The following RIMS2 variants were observed in gnomAD, a reference collection of about 807,000 sequenced individuals.
The protein encoded by RIMS2 is regulating synaptic membrane exocytosis protein 2.
A neutral mutation model predicts 174.4 loss-of-function variants in RIMS2; 59 were observed. The observed-to-expected ratio is 0.34, with a 90% confidence interval of 0.27 to 0.42. The LOEUF is 0.42. RIMS2 is among the 10% of genes least tolerant of loss of function. The probability of loss-of-function intolerance (pLI) is 1.00; values close to 1 mark genes in which losing one functional copy is unlikely to be tolerated. For missense variants in RIMS2, 1,620 were observed against 1,666.3 expected, an observed-to-expected ratio of 0.97 and a Z score of 0.48; for synonymous variants, 606 against 572.5, an observed-to-expected ratio of 1.06 and a Z score of -0.84.
At chr8:103,838,978 C>G (rs1333840321) in intron 3 of RIMS2, among the ~76,000 whole-genome samples, 4 of 152,050 alleles carry the variant, frequency 2.6e-5, no homozygotes, top group Non-Finnish European at 5.9e-5. Flanking sequence ...GGCAAGAGAA[C>G]GGCGTGAACC....
At chr8:104,172,572 G>C (rs2098838615) in intron 19 of RIMS2, among the ~76,000 whole-genome samples, 1 of 152,204 alleles carries the variant, frequency 6.6e-6, no homozygotes, top group East Asian at 1.9e-4. Flanking sequence ...GAGATGAGTA[G>C]TATCTGAGCA....
chr8:103,814,377 A>G (rs940266108), intron 3 of RIMS2, among the ~76,000 whole-genome samples: 1 of 152,028 alleles, frequency 6.6e-6, no homozygotes, highest in Non-Finnish European at 1.5e-5. Flanking sequence ...CCTATGTAAC[A>G]TACCTGCACA....
chr8:103,866,469 T>C (rs1292574810), intron 3 of RIMS2, among the ~76,000 whole-genome samples: 2 of 152,148 alleles, frequency 1.3e-5, no homozygotes, highest in African/African-American at 2.4e-5. Flanking sequence ...AGAGTTGTGC[T>C]GTATTTGCTT....
chr8:103,593,825 T>G (rs1446081918), intron 1 of RIMS2, among the ~76,000 whole-genome samples: 1 of 151,240 alleles, frequency 6.6e-6, no homozygotes, highest in Non-Finnish European at 1.5e-5. Flanking sequence ...AAAATCAATT[T>G]AAAAATAAAT....
In RIMS2 at chr8:103,710,474, T is replaced by C. The variant is rs146132610; in HGVS notation, c.387+13178T>C. On this transcript the variant is annotated intron_variant, in intron 2 of 23. Coordinates refer to ENST00000504942, the Ensembl canonical transcript of RIMS2. ...GTTTCCTTTTCAGATTATACCCTCT[T>C]AATAAATAAAAGCCATATTTTTAGT... Among the ~76,000 whole-genome samples, 937 of 152,162 alleles carry C rather than the reference T, an allele frequency of 6.2e-3. 11 individuals are homozygous for C. Among genetic ancestry groups the C allele is most frequent in the African/African-American group, 0.021 (887 of 41,534 alleles).
chr8:103,526,655 AC>A (rs1834129180), intron 1 of RIMS2, among the ~76,000 whole-genome samples: 2 of 152,232 alleles, frequency 1.3e-5, no homozygotes, highest in African/African-American at 4.8e-5. Flanking sequence ...GAAATTAAGA[AC>A]CCATTGAATG....
intron 19 of RIMS2, among the ~76,000 whole-genome samples, chr8:104,079,328 T>G (rs2097361886): frequency 6.6e-6 from 1 of 151,834 alleles, no homozygotes; most frequent in South Asian, 2.1e-4. Flanking sequence ...CCTAAGAATA[T>G]AAAGGAGAAA....
intron 16 of RIMS2, chr8:103,976,107 A>AT (rs1160426816): frequency 6.6e-6 from 1 of 152,258 alleles, no homozygotes; most frequent in Non-Finnish European, 1.5e-5. Context: ...GTTGACACGT[A>AT]ATGTTAATCA....
intron 19 of RIMS2, among the ~76,000 whole-genome samples, chr8:104,172,342 A>G (rs1395454573): frequency 1.3e-5 from 2 of 152,200 alleles, no homozygotes; most frequent in African/African-American, 4.8e-5. Flanking sequence ...AATACATGGT[A>G]GAAATGGGAG....
At chr8:104,106,310 A>G (rs1465495046) in intron 19 of RIMS2, among the ~76,000 whole-genome samples, 1 of 152,030 alleles carries the variant, frequency 6.6e-6, no homozygotes, top group Non-Finnish European at 1.5e-5. Context: ...AGTAACTTCT[A>G]TTTATTTGTA....
At chr8:103,868,408 T>C in intron 3 of RIMS2, among the ~76,000 whole-genome samples, 1 of 152,070 alleles carries the variant, frequency 6.6e-6, no homozygotes, top group East Asian at 1.9e-4. Context: ...CTCTTTACTC[T>C]CTGGATTTTT....
chr8:103,608,042 G>A (rs1196222475), intron 1 of RIMS2, among the ~76,000 whole-genome samples: 2 of 148,348 alleles, frequency 1.3e-5, no homozygotes, highest in Non-Finnish European at 3.0e-5. Context: ...CGTTGCTGGT[G>A]AGGAACTGCA....
chr8:103,995,822 C>G (rs2095055933), intron 17 of RIMS2, among the ~76,000 whole-genome samples: 1 of 151,504 alleles, frequency 6.6e-6, no homozygotes, highest in Admixed American at 6.6e-5. Flanking sequence ...AAGGTTGTTT[C>G]AATAGACATA....
intron 3 of RIMS2, among the ~76,000 whole-genome samples, chr8:103,792,720 A>G (rs565712896): frequency 1.6e-4 from 25 of 152,062 alleles, no homozygotes; most frequent in African/African-American, 6.0e-4. Context: ...GAAGAATCAA[A>G]TAGACGCAAT....
intron 19 of RIMS2, among the ~76,000 whole-genome samples, chr8:104,070,827 A>G (rs1322401005): frequency 6.6e-6 from 1 of 152,194 alleles, no homozygotes; most frequent in Non-Finnish European, 1.5e-5. Flanking sequence ...AAATAAAGTC[A>G]CGATAAAACA....
chr8:104,067,780 C>T (rs2097130405), intron 19 of RIMS2, among the ~76,000 whole-genome samples: 1 of 152,040 alleles, frequency 6.6e-6, no homozygotes, highest in South Asian at 2.1e-4. Context: ...TTTTGAAGGC[C>T]TTCTGAATAT....
intron 19 of RIMS2, among the ~76,000 whole-genome samples, chr8:104,231,344 A>G (rs1354017447): frequency 6.6e-6 from 1 of 150,654 alleles, no homozygotes; most frequent in Admixed American, 6.6e-5. Context: ...TTCTTTAACA[A>G]TATGAGGTGT....
At chr8:103,891,244 T>A (rs1360050375) in intron 4 of RIMS2, among the ~76,000 whole-genome samples, 1 of 152,052 alleles carries the variant, frequency 6.6e-6, no homozygotes, top group African/African-American at 2.4e-5. Context: ...TTGGTAAATT[T>A]TTGTTTTGTT....
chr8:104,148,906 T>G, intron 19 of RIMS2, 58 bp downstream of exon 25: 1 of 1,516,470 alleles, frequency 6.6e-7, no homozygotes, highest in Non-Finnish European at 8.9e-7. Flanking sequence ...CAAGATATAT[T>G]TCTTTTCTCT....
Sources: gnomAD v4.1 joint callset for allele counts (sites outside exome capture counted in the v4.1 genomes callset) on GRCh38, gnomAD v4.1.1 for gene constraint, MANE v1.5 for transcripts, NCBI Gene and HGNC (gene_info 2026-07-23, HGNC 2026-07-21) for gene names.